Variants in SLIT2 observed in about 807,000 individuals in gnomAD.
SLIT2 encodes slit homolog 2 protein.
In SLIT2, 41 loss-of-function variants were observed where a neutral mutation model predicts 185.7. The ratio of observed to expected loss-of-function variants is 0.22; its 90% CI spans 0.17 to 0.29. The LOEUF is 0.29. SLIT2 is among the 10% of genes least tolerant of loss of function. The pLI is 1.00. For synonymous variants in SLIT2, 693 were observed against 680.2 expected, an observed-to-expected ratio of 1.02 and a Z score of -0.29; for missense variants, 1,571 against 1,909.0, an observed-to-expected ratio of 0.82 and a Z score of 3.30.
chr4:20,313,650 G>A (rs1053871417), intron 4 of SLIT2, among the ~76,000 whole-genome samples: 1 of 152,146 alleles, frequency 6.6e-6, no homozygotes, highest in Admixed American at 6.5e-5. Flanking sequence ...ACCAGGGACT[G>A]GTTTTTGGAA....
chr4:20,538,111 C>T (rs1031621749), intron 18 of SLIT2, among the ~76,000 whole-genome samples: 1 of 152,194 alleles, frequency 6.6e-6, no homozygotes, highest in African/African-American at 2.4e-5. Flanking sequence ...AGGTGCCCGC[C>T]ACCACGCTAG....
intron 4 of SLIT2, among the ~76,000 whole-genome samples, chr4:20,330,997 C>T (rs1199416516): frequency 1.3e-5 from 2 of 152,070 alleles, no homozygotes; most frequent in Non-Finnish European, 2.9e-5. Flanking sequence ...AATAAACCAA[C>T]AGACAAATAT....
intron 4 of SLIT2, among the ~76,000 whole-genome samples, chr4:20,402,529 CT>C (rs1199727775): frequency 6.6e-6 from 1 of 151,686 alleles, no homozygotes; most frequent in Non-Finnish European, 1.5e-5. Flanking sequence ...AGTATATTAC[CT>C]ATTCAGCCTA....
At chr4:20,523,128 C>A (rs754104204) in intron 12 of SLIT2, among the ~76,000 whole-genome samples, 7 of 152,022 alleles carry the variant, frequency 4.6e-5, no homozygotes, top group Non-Finnish European at 8.8e-5. Flanking sequence ...ATGAACATTT[C>A]AGACAAAGAA....
At chr4:20,386,163 G>C (rs541019835) in intron 4 of SLIT2, among the ~76,000 whole-genome samples, 1 of 152,266 alleles carries the variant, frequency 6.6e-6, no homozygotes, top group South Asian at 2.1e-4. Flanking sequence ...CTTAGAGCTT[G>C]TTGACTCTTT....
chr4:20,510,977 C>A (rs762317032), intron 10 of SLIT2, 89 bp from the exon 11 acceptor site: 57 of 803,626 alleles, frequency 7.1e-5, no homozygotes, highest in Non-Finnish European at 1.2e-4. Flanking sequence ...AAGTACAAAA[C>A]CAACATTTAA....
intron 4 of SLIT2, among the ~76,000 whole-genome samples, chr4:20,317,444 A>T (rs1404789841): frequency 2.0e-5 from 3 of 152,042 alleles, no homozygotes; most frequent in African/African-American, 4.8e-5. Flanking sequence ...AATACATTCA[A>T]TTATCTGAAA....
intron 29 of SLIT2, among the ~76,000 whole-genome samples, chr4:20,572,603 T>A (rs1563657): frequency 0.4 from 60,448 of 151,972 alleles, 13,254 homozygotes; most frequent in East Asian, 0.82. Context: ...CCTGTTTTTT[T>A]AAAAAATGGA....
At chr4:20,438,733 C>T (rs1156657313) in intron 4 of SLIT2, among the ~76,000 whole-genome samples, 1 of 152,196 alleles carries the variant, frequency 6.6e-6, no homozygotes, top group South Asian at 2.1e-4. Context: ...CACTTGCCCC[C>T]TTTCTGTTAT....
At chr4:20,543,998 G>A (rs1258110539) in intron 21 of SLIT2, among the ~76,000 whole-genome samples, 2 of 151,996 alleles carry the variant, frequency 1.3e-5, no homozygotes, top group African/African-American at 2.4e-5. Context: ...CACAGGATGG[G>A]GAACATCACA....
chr4:20,457,683 T>G (rs1713232574), intron 4 of SLIT2, among the ~76,000 whole-genome samples: 1 of 152,182 alleles, frequency 6.6e-6, no homozygotes, highest in African/African-American at 2.4e-5. Flanking sequence ...ACCTATCTAC[T>G]TTTCCTTTCT....
chr4:20,511,670 C>T lies in SLIT2; in HGVS notation c.1058+533C>T, dbSNP rs375335752. ...GTCTGGATCTCCTGACCTCGTGATC[C>T]GCCCGTCTCGGCCTCCCAAAGTGCT... On this transcript the variant is annotated intron_variant, in intron 11 of 36. Coordinates refer to ENST00000504154, the MANE Select transcript of SLIT2 (RefSeq NM_004787.4). 1.5e-4 allele frequency among the ~76,000 whole-genome samples: 23 copies of T among 148,536 alleles called. No individual in the cohort carries two copies. The East Asian group carries it at 3.0e-3, about 19-fold the overall frequency.
rs541733876 is a variant in SLIT2, at chr4:20,484,742, C to G, written c.540-1458C>G. Among the ~76,000 whole-genome samples, 4 of 152,254 alleles carry G rather than the reference C, an allele frequency of 2.6e-5. No homozygotes were observed. The highest frequency in any genetic ancestry group is 3.9e-4 in the East Asian group (2 of 5,188). Reference sequence around the variant, plus strand: ...GCCACTATTTAAACATTAGAAAGATCTAAAAATTTTTATCTCTAGCTTCCC... The same window carrying G: ...GCCACTATTTAAACATTAGAAAGATGTAAAAATTTTTATCTCTAGCTTCCC... On this transcript the variant is annotated intron_variant, in intron 6 of 36. Transcript: ENST00000504154. This position sits in a 1 kb window ranked among gnomAD's most constrained non-coding sequence, Gnocchi z 4.3.
intron 4 of SLIT2, among the ~76,000 whole-genome samples, chr4:20,336,144 T>C (rs1406120661): frequency 6.6e-6 from 1 of 152,150 alleles, no homozygotes; most frequent in Admixed American, 6.5e-5. Context: ...TTCATCAAAG[T>C]AACACAGTCT....
intron 29 of SLIT2, among the ~76,000 whole-genome samples, chr4:20,583,457 A>G (rs1229398935): frequency 6.6e-6 from 1 of 152,178 alleles, no homozygotes; most frequent in African/African-American, 2.4e-5. Context: ...CTAGGAAGGA[A>G]GTAGAAATGA....
chr4:20,449,471 C>T (rs1712222535), intron 4 of SLIT2, among the ~76,000 whole-genome samples: 1 of 152,166 alleles, frequency 6.6e-6, no homozygotes, highest in East Asian at 1.9e-4. Context: ...TGCAGTGGTG[C>T]AATCTCGGCT....
chr4:20,382,364 AC>A (rs1724595689), intron 4 of SLIT2, among the ~76,000 whole-genome samples: 1 of 152,176 alleles, frequency 6.6e-6, no homozygotes, highest in South Asian at 2.1e-4. Flanking sequence ...TTTTTAAATA[AC>A]TAATACAGCT....
intron 4 of SLIT2, among the ~76,000 whole-genome samples, chr4:20,284,118 G>A (rs537173615): frequency 6.6e-6 from 1 of 152,292 alleles, no homozygotes; most frequent in African/African-American, 2.4e-5. Flanking sequence ...TGTTTACTAG[G>A]TGGGCAACTT....
chr4:20,514,679 G>C (rs1720043570), intron 11 of SLIT2, among the ~76,000 whole-genome samples: 1 of 148,970 alleles, frequency 6.7e-6, no homozygotes, highest in African/African-American at 2.4e-5. Context: ...CAAGTTATTA[G>C]ATCACCAAAT....
Sources: allele counts gnomAD v4.1 joint callset (sites outside exome capture counted in the v4.1 genomes callset), GRCh38; gene constraint gnomAD v4.1.1; non-coding constraint Gnocchi (gnomAD v3.1); transcripts MANE v1.5; gene names NCBI Gene and HGNC (gene_info 2026-07-23, HGNC 2026-07-21).